SUMF1: variants seen among roughly 807,000 people sequenced by gnomAD.
SUMF1 encodes the protein sulfatase modifying factor 1, also known as formylglycine-generating enzyme.
SUMF1 carries 48 observed loss-of-function variants against 47.6 expected under a neutral mutation model. The observed-to-expected ratio is 1.01, with a 90% CI of 0.80 to 1.28. The LOEUF is 1.28. Ranked by LOEUF, SUMF1 falls within the 50% of genes most tolerant of loss-of-function variation. The pLI is 0.00. For missense variants in SUMF1, 571 were observed against 485.4 expected (o/e 1.18, Z -1.66); for synonymous variants, 230 against 192.1 (o/e 1.20, Z -1.63).
chr3:4,326,375 G>A (rs1698945474), intron 8 of SUMF1, among the ~76,000 whole-genome samples: 1 of 152,102 alleles, frequency 6.6e-6, no homozygotes, highest in Non-Finnish European at 1.5e-5. Context: ...TGTGCCTGCA[G>A]ATACCTGTCT....
chr3:4,430,993 C>T (rs1271529566), intron 3 of SUMF1, among the ~76,000 whole-genome samples: 3 of 152,066 alleles, frequency 2.0e-5, no homozygotes, highest in East Asian at 3.9e-4. Flanking sequence ...TGGAAGGATG[C>T]CAAAAAGTTA....
chr3:4,093,006 T>A (rs1692821363), intron 8 of SUMF1, among the ~76,000 whole-genome samples: 1 of 152,130 alleles, frequency 6.6e-6, no homozygotes, highest in Non-Finnish European at 1.5e-5. Flanking sequence ...TAGAAATGAC[T>A]GAATACATGC....
intron 8 of SUMF1, among the ~76,000 whole-genome samples, chr3:4,240,539 A>G (rs1244214444): frequency 6.6e-6 from 1 of 152,078 alleles, no homozygotes; most frequent in Admixed American, 6.6e-5. Context: ...AAAATTACCC[A>G]TAAACTTGAT....
intron 8 of SUMF1, chr3:4,313,070 A>G (rs1051032387): frequency 9.3e-6 from 15 of 1,613,852 alleles, no homozygotes; most frequent in African/African-American, 1.3e-5. Context: ...TCTGGAGGAA[A>G]GTATGCAGAG....
intron 8 of SUMF1, among the ~76,000 whole-genome samples, chr3:4,218,213 C>T (rs1338726282): frequency 1.3e-5 from 2 of 151,968 alleles, no homozygotes; most frequent in Non-Finnish European, 1.5e-5. Context: ...CCCTGTCAAC[C>T]GAACACCTTG....
chr3:4,328,421 T>C (rs1248067824), intron 8 of SUMF1, among the ~76,000 whole-genome samples: 2 of 152,166 alleles, frequency 1.3e-5, no homozygotes, highest in Non-Finnish European at 2.9e-5. Flanking sequence ...AGAGGTTTAA[T>C]GGACTCACAG....
intron 8 of SUMF1, among the ~76,000 whole-genome samples, chr3:4,150,754 G>A (rs993282529): frequency 1.3e-5 from 2 of 151,492 alleles, no homozygotes; most frequent in Non-Finnish European, 2.9e-5. Context: ...TGGGAAGTTT[G>A]GGCATGCTTT....
chr3:4,274,212 C>A (rs1336486054), intron 8 of SUMF1, among the ~76,000 whole-genome samples: 1 of 152,130 alleles, frequency 6.6e-6, no homozygotes, highest in Non-Finnish European at 1.5e-5. Context: ...CCCTTCTACA[C>A]ATATACCTAG....
At chr3:4,226,970 A>T (rs774801954) in intron 8 of SUMF1, among the ~76,000 whole-genome samples, 31 of 152,062 alleles carry the variant, frequency 2.0e-4, no homozygotes, top group Non-Finnish European at 4.6e-4. Context: ...CCATCCTCAG[A>T]GTTTCTGATT....
intron 8 of SUMF1, among the ~76,000 whole-genome samples, chr3:4,209,584 A>G (rs934095419): frequency 2.0e-5 from 3 of 152,120 alleles, no homozygotes; most frequent in African/African-American, 7.2e-5. Flanking sequence ...ATATTATTCC[A>G]AATTTATTAG....
chr3:4,075,905 C>G (rs963685806), intron 8 of SUMF1, among the ~76,000 whole-genome samples: 2 of 152,094 alleles, frequency 1.3e-5, no homozygotes, highest in African/African-American at 4.8e-5. Flanking sequence ...TGAAAATGGC[C>G]ATACTGCCTA....
chr3:4,438,004 T>C (rs114729712), intron 3 of SUMF1, among the ~76,000 whole-genome samples: 2,143 of 151,700 alleles, frequency 0.014, 28 homozygotes, highest in Non-Finnish European at 0.024. Flanking sequence ...ATTAGACAAA[T>C]ACTAACCAAA....
chr3:4,246,344 A>C (rs535858774), intron 8 of SUMF1, among the ~76,000 whole-genome samples: 1 of 151,624 alleles, frequency 6.6e-6, no homozygotes, highest in African/African-American at 2.4e-5. Context: ...TTCTGTGTCA[A>C]TCTCGCTGGG....
At chr3:4,070,029 T>C (rs1695482352) in intron 8 of SUMF1, among the ~76,000 whole-genome samples, 1 of 152,160 alleles carries the variant, frequency 6.6e-6, no homozygotes, top group African/African-American at 2.4e-5. Context: ...CTCTGCACAA[T>C]AAAACTTAGT....
chr3:4,301,316 C>T (rs1014744224), intron 8 of SUMF1, among the ~76,000 whole-genome samples: 1 of 152,098 alleles, frequency 6.6e-6, no homozygotes, highest in African/African-American at 2.4e-5. Context: ...CAGAGAACAG[C>T]AGCAAAAGAG....
rs137972679 is a variant in SUMF1 at position 4,213,998 on chromosome 3, C to G, written c.1015-145253G>C. On this transcript the variant is annotated intron_variant and NMD_transcript_variant, in intron 8 of 12. Coordinates refer to the SUMF1 transcript ENST00000448413. ...ATCCCACTGTCAATATTAGACAGAT[C>G]GATGAGACAGAAAATTAACAAGGAT... Among the ~76,000 whole-genome samples the G allele has an allele frequency of 1.4e-4, 21 of 152,198 alleles. No individual in the cohort carries two copies. The East Asian group carries it at 3.7e-3, about 27-fold the overall frequency.
intron 1 of SUMF1, among the ~76,000 whole-genome samples, chr3:4,458,961 G>C (rs1313022923): frequency 6.6e-6 from 1 of 152,150 alleles, no homozygotes; most frequent in Non-Finnish European, 1.5e-5. Context: ...CAAATGCCTT[G>C]ATGATCTCAC....
intron 8 of SUMF1, among the ~76,000 whole-genome samples, chr3:4,331,457 A>G (rs1699050603): frequency 6.6e-6 from 1 of 152,192 alleles, no homozygotes; most frequent in Admixed American, 6.5e-5. Context: ...AGCCGTTTTA[A>G]TTATGTACCA....
exon 9 of SUMF1, chr3:4,068,611 AGCTGCATATT>A (rs1298344847): frequency 7.1e-6 from 3 of 420,960 alleles, no homozygotes; most frequent in African/African-American, 6.1e-5. Flanking sequence ...AACGTTCAAT[AGCTGCATATT>A]GCTGATGCCT....
Sources: allele counts gnomAD v4.1 joint callset (sites outside exome capture counted in the v4.1 genomes callset), GRCh38; gene constraint gnomAD v4.1.1; transcripts MANE v1.5; gene names NCBI Gene and HGNC (gene_info 2026-07-23, HGNC 2026-07-21).